The following HECW1 variants were observed in gnomAD, a reference collection of about 807,000 sequenced individuals.
HECW1 encodes HECT, C2 and WW domain containing E3 ubiquitin protein ligase 1, also known as E3 ubiquitin-protein ligase HECW1.
A neutral mutation model predicts 182.3 loss-of-function variants in HECW1; 61 were observed. That is an observed-to-expected ratio of 0.33 (90% CI 0.27 to 0.41). The LOEUF (loss-of-function observed/expected upper bound fraction) is 0.41, where lower values mean the gene tolerates loss of function less well. HECW1 is among the 10% of genes least tolerant of loss of function. The probability of loss-of-function intolerance (pLI) is 1.00; values close to 1 mark genes in which losing one functional copy is unlikely to be tolerated. For missense variants in HECW1, 1,739 were observed against 2,108.9 expected, an observed-to-expected ratio of 0.82 and a Z score of 3.44; for synonymous variants, 859 against 832.6, an observed-to-expected ratio of 1.03 and a Z score of -0.55.
At chr7:43,506,158 C>G (rs959186116) in intron 21 of HECW1, among the ~76,000 whole-genome samples, 5 of 152,268 alleles carry the variant, frequency 3.3e-5, no homozygotes, top group South Asian at 2.1e-4. Flanking sequence ...CTAATATAAA[C>G]TCTAATCTAA....
rs199990819 is a variant in HECW1 at position 43,216,298 on chromosome 7, AC to A, written c.-31-27575del. 9.2e-3 allele frequency among the ~76,000 whole-genome samples: 1,404 copies of A among 152,136 alleles called. 29 individuals are homozygous for A. Among genetic ancestry groups the A allele is most frequent in the East Asian group, 0.083 (424 of 5,138 alleles). On this transcript the variant is annotated intron_variant, in intron 2 of 29. Transcript: ENST00000395891. ...GTAGCTGGGACTACAGGTGTGCACC[AC>A]CATGCCCAGCTAAGTTTTGTATTTT...
intron 3 of HECW1, among the ~76,000 whole-genome samples, chr7:43,285,109 A>G (rs909674757): frequency 6.6e-6 from 1 of 152,212 alleles, no homozygotes; most frequent in Admixed American, 6.5e-5. Flanking sequence ...AAAAAGAGCA[A>G]GTCTTACTGC....
rs747641561 is a variant in HECW1, at chr7:43,444,927, G to C, written c.1755G>C (p.Ala585=). 8.8e-6 allele frequency: 14 copies of C among 1,592,104 alleles called. No individual in the cohort carries two copies. The highest frequency in any genetic ancestry group is 1.2e-5 in the Non-Finnish European group (14 of 1,168,474). The change falls in exon 11 of 30, where the codon GCG becomes GCC. Residue 585 remains alanine, a synonymous_variant. Transcript: ENST00000395891. The surrounding 1 kb of genome is among the most constrained non-coding windows in gnomAD (Gnocchi z 4.3). ...GGSAAEEEDG[A]EEESTLKDSS... is the part of the protein sequence containing the mutation. Reference sequence around the variant, plus strand: ...GCGCGGCAGAGGAGGAGGACGGCGCGGAGGAGGAGTCCACCCTCAAGGACT... The same window carrying C: ...GCGCGGCAGAGGAGGAGGACGGCGCCGAGGAGGAGTCCACCCTCAAGGACT...
rs1584425067 is a variant in HECW1 at position 43,309,300 on chromosome 7, G to A, written c.28-2463G>A. Among the ~76,000 whole-genome samples the A allele has an allele frequency of 2.0e-5, 3 of 152,304 alleles. No homozygotes were observed. In the East Asian group the frequency reaches 5.8e-4, roughly 29 times the overall value. ...GGATGTGTGCAAAGACAGGGTGGTG[G>A]GAGAGGGTGGGGTGCAAGGGACGGC... On this transcript the variant is annotated intron_variant, in intron 3 of 29. Coordinates refer to ENST00000395891, the MANE Select transcript of HECW1 (RefSeq NM_015052.5).
At position 43,502,854 on chromosome 7, in the gene HECW1, C is replaced by T. The variant is rs1004632072; in HGVS notation, c.3631+1532C>T. Among the ~76,000 whole-genome samples, 8 of 152,290 alleles carry T rather than the reference C, an allele frequency of 5.3e-5. No individual in the cohort carries two copies. In the South Asian group the frequency reaches 1.5e-3, roughly 28 times the overall value. ...TTTGAAACATGTAGGAACATCCTATCTCAGAAGCTCTAGGGCCAGGGTTGG... is the reference window on the plus strand; with the variant it reads ...TTTGAAACATGTAGGAACATCCTATTTCAGAAGCTCTAGGGCCAGGGTTGG... On this transcript the variant is annotated intron_variant, in intron 21 of 29. Transcript: ENST00000395891.
chr7:43,528,537 T>C (rs577346157), intron 24 of HECW1, among the ~76,000 whole-genome samples: 11 of 152,358 alleles, frequency 7.2e-5, no homozygotes, highest in Middle Eastern at 6.8e-3. Context: ...TGGTTTTTCA[T>C]TGAATTGAAG....
chr7:43,175,427 C>A (rs780623446), intron 2 of HECW1, among the ~76,000 whole-genome samples: 8 of 152,142 alleles, frequency 5.3e-5, no homozygotes, highest in African/African-American at 1.2e-4. Flanking sequence ...ATGAAAATGT[C>A]CCAGCATACA....
chr7:43,365,654 T>C (rs1816548489), intron 6 of HECW1, among the ~76,000 whole-genome samples: 1 of 152,292 alleles, frequency 6.6e-6, no homozygotes, highest in Admixed American at 6.5e-5. Flanking sequence ...CTTCATATTC[T>C]GTATCTTCTG....
At chr7:43,324,465 T>A (rs1180223749) in intron 5 of HECW1, among the ~76,000 whole-genome samples, 4 of 152,212 alleles carry the variant, frequency 2.6e-5, no homozygotes, top group Non-Finnish European at 5.9e-5. Context: ...CAAAAATGTA[T>A]GATTGAGAGG....
chr7:43,556,538 A>C (rs2082029194), intron 29 of HECW1, among the ~76,000 whole-genome samples: 2 of 152,166 alleles, frequency 1.3e-5, no homozygotes, highest in African/African-American at 2.4e-5. Flanking sequence ...AATTTAAAAA[A>C]TTAGCTGGGC....
intron 24 of HECW1, among the ~76,000 whole-genome samples, chr7:43,533,627 G>A (rs973877809): frequency 6.6e-6 from 1 of 152,208 alleles, no homozygotes. Flanking sequence ...ATAGTGGTTA[G>A]AAGAGGCCTT....
chr7:43,528,318 G>A (rs1563093173), intron 24 of HECW1, among the ~76,000 whole-genome samples: 2 of 152,114 alleles, frequency 1.3e-5, no homozygotes, highest in South Asian at 2.1e-4. Flanking sequence ...ATCTAGATAC[G>A]GGAGGAAATC....
chr7:43,457,527 C>G (rs1294262116), intron 13 of HECW1, among the ~76,000 whole-genome samples: 2 of 152,132 alleles, frequency 1.3e-5, no homozygotes, highest in African/African-American at 4.8e-5. Flanking sequence ...AATCCCAGCA[C>G]TTTGGGAGGC....
At chr7:43,119,946 C>A (rs1424099092) in intron 2 of HECW1, among the ~76,000 whole-genome samples, 1 of 152,144 alleles carries the variant, frequency 6.6e-6, no homozygotes, top group African/African-American at 2.4e-5. Flanking sequence ...ATACAGCAGC[C>A]CAAACGAGCC....
intron 3 of HECW1, among the ~76,000 whole-genome samples, chr7:43,251,222 C>T (rs1379872884): frequency 1.3e-5 from 2 of 152,196 alleles, no homozygotes; most frequent in African/African-American, 4.8e-5. Flanking sequence ...AAGAATGAGC[C>T]CTGTCCTTCT....
chr7:43,555,794 C>G (rs992192559), intron 29 of HECW1, among the ~76,000 whole-genome samples: 1 of 152,204 alleles, frequency 6.6e-6, no homozygotes, highest in African/African-American at 2.4e-5. Context: ...GTTCAGCAGA[C>G]CCTCAGTTCC....
chr7:43,278,893 CCTAA>C (rs1443961219), intron 3 of HECW1, among the ~76,000 whole-genome samples: 1 of 152,188 alleles, frequency 6.6e-6, no homozygotes, highest in African/African-American at 2.4e-5. Context: ...TTATAATTTA[CCTAA>C]CTGTCTTGTT....
At chr7:43,378,898 CAAAAT>C (rs2074433011) in intron 6 of HECW1, among the ~76,000 whole-genome samples, 1 of 151,944 alleles carries the variant, frequency 6.6e-6, no homozygotes, top group African/African-American at 2.4e-5. Flanking sequence ...TCTCAAAAAA[CAAAAT>C]AAAAAACCCT....
chr7:43,328,262 C>T (rs758031543), intron 5 of HECW1, among the ~76,000 whole-genome samples: 1 of 152,098 alleles, frequency 6.6e-6, no homozygotes, highest in African/African-American at 2.4e-5. Flanking sequence ...GGGAGGTCTG[C>T]AGTCTAGCCT....
Sources: allele counts gnomAD v4.1 joint callset (sites outside exome capture counted in the v4.1 genomes callset), GRCh38; gene constraint gnomAD v4.1.1; non-coding constraint Gnocchi (gnomAD v3.1); transcripts MANE v1.5; gene names NCBI Gene and HGNC (gene_info 2026-07-23, HGNC 2026-07-21).